The following RBFOX1 variants were observed in gnomAD, a reference collection of about 807,000 sequenced individuals.
The protein encoded by RBFOX1 is RNA binding protein fox-1 homolog 1.
A neutral mutation model predicts 57.7 loss-of-function variants in RBFOX1; 8 were observed. That is an observed-to-expected ratio of 0.14 (90% CI 0.08 to 0.25). The LOEUF is 0.25. Among genes scored for constraint, RBFOX1 ranks in the 10% least tolerant of loss-of-function variants. The pLI, the probability that RBFOX1 is intolerant of heterozygous loss-of-function variation, is 1.00. For missense variants in RBFOX1, 611 were observed against 548.5 expected, an observed-to-expected ratio of 1.11 and a Z score of -1.14; for synonymous variants, 326 against 222.4, an observed-to-expected ratio of 1.47 and a Z score of -4.15.
chr16:6,648,745 A>G (rs1054109855), intron 2 of RBFOX1, among the ~76,000 whole-genome samples: 132 of 152,320 alleles, frequency 8.7e-4, no homozygotes, highest in African/African-American at 2.8e-3. Flanking sequence ...AGAAGCAGAC[A>G]GAGAGCTGCT....
At chr16:7,522,390 T>C (rs531739141) in intron 5 of RBFOX1, among the ~76,000 whole-genome samples, 1 of 152,144 alleles carries the variant, frequency 6.6e-6, no homozygotes, top group African/African-American at 2.4e-5. Flanking sequence ...ACCAGTTGAA[T>C]GTTGGGCTAT....
intron 2 of RBFOX1, among the ~76,000 whole-genome samples, chr16:6,559,342 G>A (rs376973811): frequency 2.2e-4 from 32 of 143,512 alleles, no homozygotes; most frequent in East Asian, 1.6e-3. Context: ...ATATGTATGT[G>A]TGTATATGTG....
At chr16:7,700,764 C>A (rs78230664) in intron 14 of RBFOX1, among the ~76,000 whole-genome samples, 2 of 152,048 alleles carry the variant, frequency 1.3e-5, no homozygotes, top group Admixed American at 1.3e-4. Context: ...TTCTCTACTC[C>A]GAGAGTGGCT....
At position 6,020,096 on chromosome 16, in the gene RBFOX1, C is replaced by A. The variant is rs541298653; in HGVS notation, c.-127+104C>A. 2.4e-6 allele frequency: 3 copies of A among 1,255,232 alleles called. No homozygotes were observed. The Admixed American group carries it at 1.0e-4, about 43-fold the overall frequency. 77.8% of individuals were successfully genotyped at this position (1,255,232 alleles called of 1,614,324 possible). A position where few individuals can be genotyped will look rare whatever the true frequency, so the allele number is the denominator to read the frequency against. On this transcript the variant is annotated intron_variant, in intron 1 of 15. Transcript: ENST00000550418. ...CGCTAGGTCCCCGAGAACTGGCCTCCTCCTAGCGCCAGTCTGGGCGCTCTG... is the reference window on the plus strand; with the variant it reads ...CGCTAGGTCCCCGAGAACTGGCCTCATCCTAGCGCCAGTCTGGGCGCTCTG...
At chr16:6,531,817 G>A (rs2096661919) in intron 2 of RBFOX1, among the ~76,000 whole-genome samples, 1 of 152,188 alleles carries the variant, frequency 6.6e-6, no homozygotes. Flanking sequence ...AGTGAAATTA[G>A]ACACTGCAGT....
chr16:7,443,956 C>A (rs556395869), intron 4 of RBFOX1, among the ~76,000 whole-genome samples: 182 of 152,234 alleles, frequency 1.2e-3, no homozygotes, highest in African/African-American at 4.3e-3. Flanking sequence ...TGGGAGAAAC[C>A]AAAGCTGTAC....
chr16:6,957,339 G>C (rs1280291986), intron 3 of RBFOX1, among the ~76,000 whole-genome samples: 2 of 151,986 alleles, frequency 1.3e-5, no homozygotes, highest in East Asian at 1.9e-4. Flanking sequence ...CACCATGTTA[G>C]CCAGGATGGT....
intron 4 of RBFOX1, among the ~76,000 whole-genome samples, chr16:7,126,132 T>C (rs1398665338): frequency 6.6e-6 from 1 of 152,158 alleles, no homozygotes; most frequent in Non-Finnish European, 1.5e-5. Context: ...ATGAGCTTTC[T>C]TCCCCATGAA....
intron 2 of RBFOX1, among the ~76,000 whole-genome samples, chr16:6,377,285 A>G (rs8044666): frequency 0.4 from 59,402 of 148,638 alleles, 12,815 homozygotes; most frequent in East Asian, 0.48. Flanking sequence ...AAAAAAAAAA[A>G]AAAAAGAAAA....
chr16:7,606,392 A>G (rs1465249819), intron 9 of RBFOX1, among the ~76,000 whole-genome samples: 2 of 152,130 alleles, frequency 1.3e-5, no homozygotes, highest in Admixed American at 1.3e-4. Context: ...AAGTGTTGGG[A>G]CTACAGGCAT....
chr16:6,412,084 G>A (rs900126210), intron 2 of RBFOX1, among the ~76,000 whole-genome samples: 1 of 148,392 alleles, frequency 6.7e-6, no homozygotes, highest in South Asian at 2.1e-4. Context: ...AGTGAGCCAA[G>A]ATCGTGCCAT....
intron 3 of RBFOX1, among the ~76,000 whole-genome samples, chr16:6,961,790 A>T (rs1278342894): frequency 6.6e-6 from 1 of 152,146 alleles, no homozygotes; most frequent in South Asian, 2.1e-4. Flanking sequence ...AGTGTCCTTT[A>T]GCATGCTAAT....
intron 2 of RBFOX1, among the ~76,000 whole-genome samples, chr16:6,470,983 C>G (rs931015571): frequency 4.6e-5 from 7 of 152,204 alleles, no homozygotes; most frequent in African/African-American, 1.4e-4. Flanking sequence ...CTTCCTGCTT[C>G]CAGTGTTCCT....
intron 2 of RBFOX1, among the ~76,000 whole-genome samples, chr16:6,404,041 T>C (rs1005440476): frequency 1.3e-5 from 2 of 152,148 alleles, no homozygotes; most frequent in Non-Finnish European, 2.9e-5. Context: ...TGTAAATTTA[T>C]GTTGTTTAAC....
chr16:6,986,268 T>G (rs2090255064), intron 3 of RBFOX1, among the ~76,000 whole-genome samples: 1 of 152,026 alleles, frequency 6.6e-6, no homozygotes, highest in Non-Finnish European at 1.5e-5. Flanking sequence ...TGGCATGATC[T>G]TGGCTCACTG....
At chr16:5,636,959 C>T (rs575660857) in intron 3 of RBFOX1, among the ~76,000 whole-genome samples, 17 of 152,204 alleles carry the variant, frequency 1.1e-4, no homozygotes, top group South Asian at 2.1e-4. Context: ...TGCCAGCGTG[C>T]GCTGCTAATC....
chr16:7,388,250 C>T (rs1454326179), intron 4 of RBFOX1, among the ~76,000 whole-genome samples: 2 of 152,074 alleles, frequency 1.3e-5, no homozygotes, highest in South Asian at 2.1e-4. Flanking sequence ...ATGCAGCACT[C>T]GGTATCCATG....
chr16:5,308,664 G>A (rs531482457), intron 1 of RBFOX1, among the ~76,000 whole-genome samples: 3 of 152,190 alleles, frequency 2.0e-5, no homozygotes, highest in South Asian at 2.1e-4. Context: ...TTTCAGGGCC[G>A]ATAGTAGTAA....
chr16:5,428,160 G>T (rs1306649106), intron 1 of RBFOX1, among the ~76,000 whole-genome samples: 1 of 151,750 alleles, frequency 6.6e-6, no homozygotes, highest in Non-Finnish European at 1.5e-5. Flanking sequence ...GTGTGTATGT[G>T]CATACACACA....
Sources: gnomAD v4.1 joint callset for allele counts (sites outside exome capture counted in the v4.1 genomes callset) on GRCh38, gnomAD v4.1.1 for gene constraint, MANE v1.5 for transcripts, NCBI Gene and HGNC (gene_info 2026-07-23, HGNC 2026-07-21) for gene names.